IKBKE: variants seen among roughly 807,000 people sequenced by gnomAD.
The protein encoded by IKBKE is inhibitor of nuclear factor kappa-B kinase subunit epsilon.
In IKBKE, 45 loss-of-function variants were observed where a neutral mutation model predicts 92.1. The ratio of observed to expected loss-of-function variants is 0.49; its 90% CI spans 0.38 to 0.63. The LOEUF is 0.63. Among genes scored for constraint, IKBKE ranks in the 20% least tolerant of loss-of-function variants. The pLI is 0.00. For synonymous variants in IKBKE, 374 were observed against 380.3 expected (o/e 0.98, Z 0.19); for missense variants, 700 against 932.8 (o/e 0.75, Z 3.25).
chr1:206,488,121 T>TAG, intron 16 of IKBKE, 131 bp downstream of exon 16: 1 of 685,724 alleles, frequency 1.5e-6, no homozygotes, highest in Non-Finnish European at 2.6e-6. Context: ...AGCTGGTGGT[T>TAG]CTTGGAGGCC....
In IKBKE at chr1:206,490,690, G is replaced by A. The variant is rs182373706; in HGVS notation, c.1694-129G>A. Reference sequence around the variant, plus strand: ...ACTCCTCTGCCCCTCCTGCTCCGCTGGGCGGTGAGTTCCCGTGAAGCAGCA... The same window carrying A: ...ACTCCTCTGCCCCTCCTGCTCCGCTAGGCGGTGAGTTCCCGTGAAGCAGCA... On this transcript the variant is annotated intron_variant, in intron 16 of 21. Coordinates refer to ENST00000581977, the MANE Select transcript of IKBKE (RefSeq NM_014002.4). This position sits in a 1 kb window ranked among gnomAD's most constrained non-coding sequence, Gnocchi z 5.2. The A allele has an allele frequency of 1.7e-4, 157 of 898,706 alleles. No homozygotes were observed. In the East Asian group the frequency reaches 3.7e-3, roughly 21 times the overall value. The allele number at this position is 898,706 out of a possible 1,614,324, so 55.7% of individuals were successfully genotyped here.
At chr1:206,480,685 C>G in intron 13 of IKBKE, 152 bp downstream of exon 13, 2 of 649,456 alleles carry the variant, frequency 3.1e-6, no homozygotes, top group Non-Finnish European at 5.6e-6. Context: ...CACCCTATCC[C>G]TTATCCCCAC....
At chr1:206,489,652 T>C (rs1454557023) in intron 16 of IKBKE, among the ~76,000 whole-genome samples, 1 of 151,924 alleles carries the variant, frequency 6.6e-6, no homozygotes, top group South Asian at 2.1e-4. Flanking sequence ...GAGACTGCAG[T>C]GAGCTAAGAT....
At chr1:206,473,406 A>T in intron 3 of IKBKE, 92 bp downstream of exon 3, 1 of 902,064 alleles carries the variant, frequency 1.1e-6, no homozygotes, top group South Asian at 1.5e-5. Context: ...GTGGGCATTG[A>T]GGGTGGTGGG....
intron 21 of IKBKE, among the ~76,000 whole-genome samples, chr1:206,494,326 G>T (rs1284300470): frequency 1.3e-5 from 2 of 152,132 alleles, no homozygotes; most frequent in Non-Finnish European, 2.9e-5. Flanking sequence ...CCATCCTCAG[G>T]ATAGGTGCTG....
chr1:206,485,282 G>A lies in IKBKE; in HGVS notation c.1592G>A (p.Arg531Gln), dbSNP rs782680430. The change falls in exon 15 of 22, where the codon CGG (arginine) becomes CAG (glutamine). Residue 531 changes from arginine to glutamine, a missense_variant. By Grantham distance (43) the Arg-to-Gln change is conservative. Coordinates refer to ENST00000581977, the MANE Select transcript of IKBKE (RefSeq NM_014002.4). The surrounding 1 kb of genome is among the most constrained non-coding windows in gnomAD (Gnocchi z 5.0). ...SSLNRELVKS[R>Q]DQVHEDRSIQ... ...CTGAACCGGGAGCTGGTGAAGAGCC[G>A]GGATCAGGTACATGAGGACAGAAGG... 2.6e-5 allele frequency: 42 copies of A among 1,611,664 alleles called. No homozygotes were observed. Among genetic ancestry groups the A allele is most frequent in the East Asian group, 4.5e-5 (2 of 44,880 alleles).
intron 3 of IKBKE, among the ~76,000 whole-genome samples, chr1:206,473,750 T>C (rs1553384440): frequency 6.6e-6 from 1 of 151,738 alleles, no homozygotes; most frequent in Non-Finnish European, 1.5e-5. Flanking sequence ...GATCACGAGG[T>C]CAGGAGATCG....
At chr1:206,489,401 AC>A (rs1665834562) in intron 16 of IKBKE, among the ~76,000 whole-genome samples, 1 of 142,386 alleles carries the variant, frequency 7.0e-6, no homozygotes, top group Non-Finnish European at 1.5e-5. Flanking sequence ...ATATATATAT[AC>A]ACACACACAC....
chr1:206,479,792 T>C (rs1665272254), intron 10 of IKBKE, 78 bp from the exon 11 acceptor site: 1 of 1,421,736 alleles, frequency 7.0e-7, no homozygotes, highest in Non-Finnish European at 9.8e-7. Flanking sequence ...GAGGGGTGAG[T>C]GTGAGCTGGA....
Position 206,490,984 on chromosome 1 carries a change from G to C in IKBKE, c.1733+126G>C. On this transcript the variant is annotated intron_variant, in intron 17 of 21. Transcript: ENST00000581977. This position sits in a 1 kb window ranked among gnomAD's most constrained non-coding sequence, Gnocchi z 5.2. ...CCCGGACTGCAGCTGAGCAGAGTTGGGGATAACAGGTTATCTGGGGCCAGG... is the reference window on the plus strand; with the variant it reads ...CCCGGACTGCAGCTGAGCAGAGTTGCGGATAACAGGTTATCTGGGGCCAGG... 1.2e-6 allele frequency: 1 copy of C among 866,124 alleles called. No homozygotes were observed. Among genetic ancestry groups the C allele is most frequent in the Non-Finnish European group, 1.9e-6 (1 of 519,580 alleles). The allele number at this position is 866,124 out of a possible 1,614,324, so 53.7% of individuals were successfully genotyped here. A position where few individuals can be genotyped will look rare whatever the true frequency, so the allele number is the denominator to read the frequency against.
chr1:206,487,795 C>CCCCCAAAACTGTGGCCTCA lies in IKBKE; in HGVS notation c.1617-104_1617-103insCTCACCCCAAAACTGTGGC. On this transcript the variant is annotated intron_variant, in intron 15 of 21. Transcript: ENST00000581977. This position sits in a 1 kb window ranked among gnomAD's most constrained non-coding sequence, Gnocchi z 5.3. The stretch of plus-strand genomic sequence containing the variant: ...CAGCCACCTCCACTCCCAGACTGAT[C>CCCCCAAAACTGTGGCCTCA]CCCCAAAACTGTGGCTGTGAGGCTC... 1 of 733,992 alleles carries CCCCCAAAACTGTGGCCTCA rather than the reference C, an allele frequency of 1.4e-6. No homozygotes were observed. The highest frequency in any genetic ancestry group is 2.4e-6 in the Non-Finnish European group (1 of 423,128). 45.5% of individuals were successfully genotyped at this position (733,992 alleles called of 1,614,324 possible).
chr1:206,486,635 C>G (rs1245374364), intron 15 of IKBKE, among the ~76,000 whole-genome samples: 3 of 151,198 alleles, frequency 2.0e-5, no homozygotes, highest in African/African-American at 4.9e-5. Context: ...AGGCCCCATC[C>G]TTTTGGATGA....
At chr1:206,491,142 C>T (rs781879307) in intron 17 of IKBKE, 4 of 518,006 alleles carry the variant, frequency 7.7e-6, no homozygotes, top group Non-Finnish European at 1.4e-5. Flanking sequence ...TGATGCACCA[C>T]TTACCACTTC....
At position 206,493,443 on chromosome 1, in the gene IKBKE, C is replaced by T. The variant is rs1004082720; in HGVS notation, c.2045+65C>T. 21 of 1,250,008 alleles carry T rather than the reference C, an allele frequency of 1.7e-5. No individual in the cohort carries two copies. In the African/African-American group the frequency reaches 2.7e-4, roughly 16 times the overall value. The allele number at this position is 1,250,008 out of a possible 1,614,324, so 77.4% of individuals were successfully genotyped here. ...AGGGGGTTGCAGGGAGCAGAGTATG[C>T]TGAGGTTAGAGCCTGAGGGGTTTGG... On this transcript the variant is annotated intron_variant, in intron 20 of 21. Coordinates refer to ENST00000581977, the MANE Select transcript of IKBKE (RefSeq NM_014002.4).
chr1:206,481,934 T>C (rs1165756557), intron 13 of IKBKE, among the ~76,000 whole-genome samples: 8 of 151,694 alleles, frequency 5.3e-5, no homozygotes, highest in African/African-American at 9.7e-5. Context: ...TGCCCGCCAC[T>C]ACGCCCGGCT....
Position 206,488,001 on chromosome 1 carries a change from G to A in IKBKE, c.1693+11G>A, listed in dbSNP as rs913725681. The A allele has an allele frequency of 1.2e-6, 2 of 1,602,274 alleles. No individual in the cohort carries two copies. The highest frequency in any genetic ancestry group is 1.7e-6 in the Non-Finnish European group (2 of 1,170,010). On this transcript the variant is annotated intron_variant, in intron 16 of 21. Coordinates refer to ENST00000581977, the MANE Select transcript of IKBKE (RefSeq NM_014002.4). ...CTAGGATGAGGCCAGGTGAGCCCGG[G>A]GAGGGCAGATGCCCCTTCTCTCTCC... is the stretch of plus-strand genomic sequence containing the variant.
intron 13 of IKBKE, among the ~76,000 whole-genome samples, chr1:206,482,269 G>T (rs559491083): frequency 6.6e-6 from 1 of 152,312 alleles, no homozygotes; most frequent in Admixed American, 6.5e-5. Flanking sequence ...GTGAGGAGGG[G>T]AGGAAAGAAG....
chr1:206,477,388 A>G (rs1553385670), intron 7 of IKBKE, among the ~76,000 whole-genome samples: 3 of 152,150 alleles, frequency 2.0e-5, no homozygotes, highest in African/African-American at 7.2e-5. Context: ...GAAGACCAGC[A>G]TGGATGGGGG....
intron 2 of IKBKE, among the ~76,000 whole-genome samples, chr1:206,472,392 T>C (rs998021611): frequency 5.3e-5 from 8 of 152,200 alleles, no homozygotes; most frequent in Admixed American, 3.3e-4. Context: ...GAGGATACAC[T>C]TTCTGGTACT....
Sources: gnomAD v4.1 joint callset for allele counts (sites outside exome capture counted in the v4.1 genomes callset) on GRCh38, gnomAD v4.1.1 for gene constraint, Gnocchi (gnomAD v3.1) non-coding constraint, MANE v1.5 for transcripts, NCBI Gene and HGNC (gene_info 2026-07-23, HGNC 2026-07-21) for gene names.